The following STXBP5L variants were observed in gnomAD, a reference collection of about 807,000 sequenced individuals.
STXBP5L encodes syntaxin binding protein 5L.
STXBP5L carries 65 observed loss-of-function variants against 144.5 expected under a neutral mutation model. The ratio of observed to expected loss-of-function variants is 0.45; its 90% CI spans 0.37 to 0.55. The LOEUF (loss-of-function observed/expected upper bound fraction) is 0.55. STXBP5L is among the 20% of genes least tolerant of loss of function. STXBP5L has a pLI of 0.00. For synonymous variants in STXBP5L, 505 were observed against 469.6 expected (o/e 1.08, Z -0.97); for missense variants, 1,298 against 1,405.5 (o/e 0.92, Z 1.22).
intron 3 of STXBP5L, among the ~76,000 whole-genome samples, chr3:120,989,191 A>G (rs942269752): frequency 6.6e-6 from 1 of 152,054 alleles, no homozygotes; most frequent in Non-Finnish European, 1.5e-5. Context: ...CAGTAGTGGG[A>G]TTGCTGAGTC....
intron 5 of STXBP5L, among the ~76,000 whole-genome samples, chr3:121,100,801 A>T (rs2043381099): frequency 6.6e-6 from 1 of 151,906 alleles, no homozygotes; most frequent in Admixed American, 6.6e-5. Context: ...ATCGACAAAA[A>T]AAAAAAGTTG....
intron 9 of STXBP5L, among the ~76,000 whole-genome samples, chr3:121,197,819 A>G (rs1444879013): frequency 2.0e-5 from 3 of 152,176 alleles, no homozygotes; most frequent in Admixed American, 1.3e-4. Context: ...GGCAAAGGAC[A>G]TGAACTCATT....
chr3:120,991,146 C>T (rs1242069928), intron 3 of STXBP5L, among the ~76,000 whole-genome samples: 1 of 149,414 alleles, frequency 6.7e-6, no homozygotes, highest in Non-Finnish European at 1.5e-5. Context: ...AACAAACAAA[C>T]AACCCCATCA....
intron 21 of STXBP5L, among the ~76,000 whole-genome samples, chr3:121,380,743 A>C (rs1241247700): frequency 6.6e-6 from 1 of 152,146 alleles, no homozygotes; most frequent in Admixed American, 6.6e-5. Context: ...CAGGGAGATA[A>C]AATTTGCATT....
At position 121,413,207 on chromosome 3, in the gene STXBP5L, G is replaced by C. The variant is rs1336297323; in HGVS notation, c.2998G>C (p.Asp1000His). 1.2e-6 allele frequency: 2 copies of C among 1,607,762 alleles called. No homozygotes were observed. Among genetic ancestry groups the C allele is most frequent in the Non-Finnish European group, 8.5e-7 (1 of 1,178,136 alleles). The change falls in exon 24 of 27, where the codon GAC (aspartate) becomes CAC (histidine). Residue 1000 changes from aspartate (D) to histidine (H), a missense_variant. Physicochemically the swap from Asp to His is moderately conservative, Grantham distance 81 (BLOSUM62 -1). Coordinates refer to ENST00000471454, the MANE Select transcript of STXBP5L (RefSeq NM_001308330.2). ...GGATGTTAATTATTTGCCACTGACA[G>C]ACATGAGGATAGCACGAACATTTTG... ...MLDVNYLPLTDMRIARTFCFT... is the reference protein window; with the variant it reads ...MLDVNYLPLTHMRIARTFCFT...
chr3:121,101,937 CCAAA>C (rs145654694), intron 5 of STXBP5L, among the ~76,000 whole-genome samples: 2,915 of 151,878 alleles, frequency 0.019, 96 homozygotes, highest in African/African-American at 0.067. Context: ...AAGCTGCAAA[CCAAA>C]CAAAGAAAAC....
intron 20 of STXBP5L, among the ~76,000 whole-genome samples, chr3:121,327,532 G>T (rs557046072): frequency 2.6e-5 from 4 of 152,078 alleles, no homozygotes; most frequent in Admixed American, 6.5e-5. Context: ...ATAATTTTTA[G>T]TCTCTCATGC....
chr3:121,082,289 C>A (rs1362578138), intron 5 of STXBP5L, among the ~76,000 whole-genome samples: 1 of 149,470 alleles, frequency 6.7e-6, no homozygotes, highest in Non-Finnish European at 1.5e-5. Flanking sequence ...TCTTTGATTT[C>A]TTTCATCATT....
At chr3:121,347,533 A>C (rs188980092) in intron 20 of STXBP5L, among the ~76,000 whole-genome samples, 1 of 152,266 alleles carries the variant, frequency 6.6e-6, no homozygotes, top group South Asian at 2.1e-4. Flanking sequence ...CATTGAATCT[A>C]TAAATTACCT....
intron 7 of STXBP5L, among the ~76,000 whole-genome samples, chr3:121,138,887 G>T (rs906405628): frequency 7.2e-5 from 11 of 151,888 alleles, no homozygotes; most frequent in African/African-American, 2.7e-4. Flanking sequence ...GGCAACAAAA[G>T]TTAAAATAGA....
At chr3:120,965,069 T>G (rs1245364927) in intron 3 of STXBP5L, among the ~76,000 whole-genome samples, 1 of 152,208 alleles carries the variant, frequency 6.6e-6, no homozygotes, top group Non-Finnish European at 1.5e-5. Context: ...TTAAAGTCTG[T>G]TTTATTAGAG....
intron 4 of STXBP5L, among the ~76,000 whole-genome samples, chr3:121,042,923 C>T (rs1176652445): frequency 1.3e-5 from 2 of 151,338 alleles, no homozygotes; most frequent in Non-Finnish European, 2.9e-5. Flanking sequence ...TCAGGCTTCT[C>T]GAGGTCTCAG....
intron 19 of STXBP5L, chr3:121,282,301 C>A: frequency 6.2e-7 from 1 of 1,611,964 alleles, no homozygotes; most frequent in Middle Eastern, 1.7e-4. Flanking sequence ...TAACTTTTAT[C>A]CTGATTTAAC....
intron 7 of STXBP5L, among the ~76,000 whole-genome samples, chr3:121,133,535 T>C (rs906191678): frequency 3.3e-5 from 5 of 152,098 alleles, no homozygotes; most frequent in African/African-American, 4.8e-5. Flanking sequence ...TCAACGAAAC[T>C]GTCCTTCAAA....
intron 3 of STXBP5L, among the ~76,000 whole-genome samples, chr3:121,017,390 T>A (rs954945714): frequency 1.3e-5 from 2 of 152,218 alleles, no homozygotes; most frequent in African/African-American, 4.8e-5. Context: ...AAGGTAAGGA[T>A]GTATCCCCAA....
At chr3:121,194,321 CAA>C (rs1270316881) in intron 9 of STXBP5L, among the ~76,000 whole-genome samples, 1 of 152,080 alleles carries the variant, frequency 6.6e-6, no homozygotes, top group African/African-American at 2.4e-5. Flanking sequence ...TTTCTCTTAA[CAA>C]AATTCTTTCA....
At chr3:121,079,015 G>C (rs548128533) in intron 5 of STXBP5L, among the ~76,000 whole-genome samples, 1 of 152,252 alleles carries the variant, frequency 6.6e-6, no homozygotes, top group African/African-American at 2.4e-5. Context: ...GTGCAGCGGT[G>C]GGCTGAAGTG....
rs772946085 is a variant in STXBP5L, at chr3:121,420,100, G to A, written c.*1003G>A. 6.6e-6 allele frequency: 1 copy of A among 152,164 alleles called. No homozygotes were observed. The highest frequency in any genetic ancestry group is 2.4e-5 in the African/African-American group (1 of 41,444). 9.4% of individuals were successfully genotyped at this position (152,164 alleles called of 1,614,324 possible). On this transcript the variant is annotated 3_prime_UTR_variant, in exon 27 of 27. Transcript: ENST00000471454. ...TTCAAACCCAGTAGGGTCTGCAATC[G>A]AAAGGTGCTCTTGCAGCCTGACATT...
chr3:121,174,884 C>A (rs1362903367), intron 9 of STXBP5L, among the ~76,000 whole-genome samples: 1 of 151,782 alleles, frequency 6.6e-6, no homozygotes, highest in Non-Finnish European at 1.5e-5. Context: ...AGAAGAGTAA[C>A]AAAACTGTCA....
Sources: gnomAD v4.1 joint callset for allele counts (sites outside exome capture counted in the v4.1 genomes callset) on GRCh38, gnomAD v4.1.1 for gene constraint, MANE v1.5 for transcripts, NCBI Gene and HGNC (gene_info 2026-07-23, HGNC 2026-07-21) for gene names.